The following PLEKHG1 variants were observed in gnomAD, a reference collection of about 807,000 sequenced individuals.
PLEKHG1 encodes the protein pleckstrin homology and RhoGEF domain containing G1.
PLEKHG1 carries 44 observed loss-of-function variants against 100.8 expected under a neutral mutation model. The observed-to-expected ratio is 0.44, with a 90% CI of 0.34 to 0.56. PLEKHG1 has a LOEUF of 0.56. PLEKHG1 is among the 20% of genes least tolerant of loss of function. The pLI, the probability that PLEKHG1 is intolerant of heterozygous loss-of-function variation, is 0.01. For synonymous variants in PLEKHG1, 640 were observed against 662.5 expected, an observed-to-expected ratio of 0.97 and a Z score of 0.52; for missense variants, 1,545 against 1,720.9, an observed-to-expected ratio of 0.90 and a Z score of 1.81.
chr6:150,655,466 AGG>A (rs749232605), intron 3 of PLEKHG1, among the ~76,000 whole-genome samples: 3 of 152,080 alleles, frequency 2.0e-5, no homozygotes, highest in African/African-American at 7.2e-5. Flanking sequence ...CCCAGCACTT[AGG>A]GAGGCCGAGG....
intron 3 of PLEKHG1, among the ~76,000 whole-genome samples, chr6:150,678,829 G>A (rs528879445): frequency 6.6e-6 from 1 of 152,248 alleles, no homozygotes; most frequent in African/African-American, 2.4e-5. Context: ...ATGAATATGT[G>A]AATTAAAGAC....
chr6:150,729,511 G>A (rs1010137296), intron 1 of PLEKHG1, among the ~76,000 whole-genome samples: 2 of 152,202 alleles, frequency 1.3e-5, no homozygotes, highest in African/African-American at 4.8e-5. Flanking sequence ...AGGAAAGTGA[G>A]AACAAGACTA....
At chr6:150,836,408 A>G (rs758608349) in intron 15 of PLEKHG1, among the ~76,000 whole-genome samples, 3 of 151,888 alleles carry the variant, frequency 2.0e-5, no homozygotes, top group Non-Finnish European at 4.4e-5. Flanking sequence ...AAAATAAAGA[A>G]GGGAGTGAAA....
At chr6:150,772,792 T>C (rs189575746) in intron 3 of PLEKHG1, among the ~76,000 whole-genome samples, 1 of 152,340 alleles carries the variant, frequency 6.6e-6, no homozygotes. Context: ...TGCGTTAAGA[T>C]TGAGCATCTT....
At position 150,670,545 on chromosome 6, in the gene PLEKHG1, A is replaced by G. The variant is rs566169151; in HGVS notation, c.-99+19759A>G. On this transcript the variant is annotated intron_variant, in intron 3 of 3. Coordinates refer to the PLEKHG1 transcript ENST00000367326. ...CATGGGCGCCCCCTGGAGTTGTACC[A>G]ACATGTCAGTCCTAGAACTAAGGGT... Among the ~76,000 whole-genome samples the G allele has an allele frequency of 1.4e-4, 21 of 152,334 alleles. No homozygotes were observed. The South Asian group carries it at 4.1e-3, about 30-fold the overall frequency.
chr6:150,830,662 T>C, exon 15 of PLEKHG1: 1 of 1,614,132 alleles, frequency 6.2e-7, no homozygotes, highest in East Asian at 2.2e-5. Flanking sequence ...CTAGCAGTTC[T>C]ACCATGATCA....
At chr6:150,804,647 A>G (rs139143426) in exon 7 of PLEKHG1, 59 of 1,613,128 alleles carry the variant, frequency 3.7e-5, no homozygotes, top group Non-Finnish European at 4.5e-5. Flanking sequence ...ACAGAAGGCT[A>G]TGATGTGGTG....
At chr6:150,737,034 G>A (rs570647373) in intron 2 of PLEKHG1, among the ~76,000 whole-genome samples, 1 of 152,250 alleles carries the variant, frequency 6.6e-6, no homozygotes. Flanking sequence ...CTCTGTTCCA[G>A]AAGTCACTAG....
At chr6:150,700,405 GT>G (rs1013762633) in intron 3 of PLEKHG1, among the ~76,000 whole-genome samples, 5 of 152,136 alleles carry the variant, frequency 3.3e-5, no homozygotes, top group Non-Finnish European at 5.9e-5. Context: ...AGAGACCTGG[GT>G]CTAGGACCCA....
intron 3 of PLEKHG1, among the ~76,000 whole-genome samples, chr6:150,782,584 G>C (rs908789562): frequency 6.6e-5 from 10 of 152,130 alleles, no homozygotes; most frequent in African/African-American, 2.2e-4. Flanking sequence ...TGACATATCT[G>C]TGTGCGACTG....
chr6:150,700,687 A>C (rs1428064607), intron 3 of PLEKHG1, among the ~76,000 whole-genome samples: 1 of 152,192 alleles, frequency 6.6e-6, no homozygotes, highest in Non-Finnish European at 1.5e-5. Flanking sequence ...CTGGGTTCAA[A>C]TTCGGGGGCC....
chr6:150,618,686 A>G (rs1430432366), intron 1 of PLEKHG1, among the ~76,000 whole-genome samples: 1 of 152,178 alleles, frequency 6.6e-6, no homozygotes, highest in African/African-American at 2.4e-5. Flanking sequence ...TTTTAAATGT[A>G]TATTATTTAC....
intron 2 of PLEKHG1, among the ~76,000 whole-genome samples, chr6:150,746,006 AGAGGG>A (rs150924771): frequency 0.066 from 10,074 of 152,230 alleles, 447 homozygotes; most frequent in Admixed American, 0.14. Context: ...AGAAAATTAA[AGAGGG>A]GAGGCTGTGG....
At chr6:150,676,146 G>A (rs1020469487) in intron 3 of PLEKHG1, among the ~76,000 whole-genome samples, 6 of 152,178 alleles carry the variant, frequency 3.9e-5, no homozygotes, top group African/African-American at 1.4e-4. Flanking sequence ...TTGATATGAA[G>A]TTTAAAACCT....
At chr6:150,680,675 T>C (rs1462274630) in intron 3 of PLEKHG1, among the ~76,000 whole-genome samples, 2 of 152,142 alleles carry the variant, frequency 1.3e-5, no homozygotes, top group African/African-American at 4.8e-5. Flanking sequence ...GTTTCCAAGA[T>C]GTTATACGCA....
chr6:150,776,593 C>T (rs1020301970), intron 3 of PLEKHG1, among the ~76,000 whole-genome samples: 2 of 137,456 alleles, frequency 1.5e-5, no homozygotes, highest in Non-Finnish European at 3.0e-5. Flanking sequence ...GCACATTACT[C>T]ACACTGATGC....
chr6:150,714,031 C>T (rs2128605557), intron 3 of PLEKHG1, among the ~76,000 whole-genome samples: 1 of 152,302 alleles, frequency 6.6e-6, no homozygotes, highest in East Asian at 1.9e-4. Flanking sequence ...TCTTCCAGTA[C>T]ATTTTTTAGA....
intron 3 of PLEKHG1, among the ~76,000 whole-genome samples, chr6:150,709,520 C>T (rs957148755): frequency 6.6e-6 from 1 of 152,158 alleles, no homozygotes; most frequent in African/African-American, 2.4e-5. Context: ...GGGACCCTCA[C>T]CCCAAATCAT....
At chr6:150,696,490 G>A (rs950205245) in intron 3 of PLEKHG1, among the ~76,000 whole-genome samples, 10 of 152,108 alleles carry the variant, frequency 6.6e-5, no homozygotes, top group Non-Finnish European at 1.5e-4. Context: ...CACACGGCAC[G>A]CACGCACTTT....
Sources: gnomAD v4.1 joint callset for allele counts (sites outside exome capture counted in the v4.1 genomes callset) on GRCh38, gnomAD v4.1.1 for gene constraint, MANE v1.5 for transcripts, NCBI Gene and HGNC (gene_info 2026-07-23, HGNC 2026-07-21) for gene names.